The following RCL1 variants were observed in gnomAD, a reference collection of about 807,000 sequenced individuals.
RCL1 encodes RNA terminal phosphate cyclase like 1.
RCL1 carries 24 observed loss-of-function variants against 42.4 expected under a neutral mutation model. The observed-to-expected ratio is 0.57, with a 90% confidence interval of 0.41 to 0.80. The LOEUF is 0.80. Among genes scored for constraint, RCL1 ranks in the 30% least tolerant of loss-of-function variants. The pLI is 0.00. For synonymous variants in RCL1, 228 were observed against 177.3 expected, an observed-to-expected ratio of 1.29 and a Z score of -2.27; for missense variants, 578 against 467.9, an observed-to-expected ratio of 1.24 and a Z score of -2.17.
intron 1 of RCL1, among the ~76,000 whole-genome samples, chr9:4,810,105 G>A (rs1435572522): frequency 6.6e-6 from 1 of 152,220 alleles, no homozygotes. Flanking sequence ...TAAGATTACA[G>A]GCCTGAGCCA....
chr9:4,837,306 C>T (rs114305249), intron 5 of RCL1, among the ~76,000 whole-genome samples: 2,766 of 152,066 alleles, frequency 0.018, 84 homozygotes, highest in African/African-American at 0.064. Flanking sequence ...AAATACACTG[C>T]GGTTAATGGC....
intron 1 of RCL1, among the ~76,000 whole-genome samples, chr9:4,796,119 A>G (rs1842909882): frequency 6.6e-6 from 1 of 152,162 alleles, no homozygotes; most frequent in Non-Finnish European, 1.5e-5. Context: ...TCGGGGGTAC[A>G]TGTGCATGTT....
chr9:4,823,895 A>G (rs1180903423), intron 2 of RCL1, among the ~76,000 whole-genome samples: 3 of 142,476 alleles, frequency 2.1e-5, no homozygotes, highest in African/African-American at 7.8e-5. Flanking sequence ...ATAAAAGCAT[A>G]TCATTCTAGA....
In RCL1 at chr9:4,817,187, T is replaced by G. The variant is rs1310165620; in HGVS notation, c.137-6361T>G. Among the ~76,000 whole-genome samples, 2 of 152,186 alleles carry G rather than the reference T, an allele frequency of 1.3e-5. 1 individual carries two copies. Among genetic ancestry groups the G allele is most frequent in the Admixed American group, 1.3e-4 (2 of 15,276 alleles). On this transcript the variant is annotated intron_variant, in intron 1 of 8. Coordinates refer to ENST00000381750, the MANE Select transcript of RCL1 (RefSeq NM_005772.5). ...TGACTTCATCAGCGACCTTTTCTGT[T>G]TATTATTTGAAAAAAATTCTTCTTG...
chr9:4,844,407 A>G (rs1817438518), intron 6 of RCL1, 118 bp from the exon 7 acceptor site: 5 of 726,766 alleles, frequency 6.9e-6, no homozygotes, highest in Non-Finnish European at 1.1e-5. Flanking sequence ...TGCAGCCAGA[A>G]AGAAGCCTTT....
chr9:4,821,172 C>G (rs951048411), intron 1 of RCL1, among the ~76,000 whole-genome samples: 4 of 151,978 alleles, frequency 2.6e-5, no homozygotes, highest in Non-Finnish European at 5.9e-5. Flanking sequence ...GCCTGTAATC[C>G]CAGCGTTTGT....
intron 8 of RCL1, among the ~76,000 whole-genome samples, chr9:4,854,462 C>T (rs542703626): frequency 6.6e-6 from 1 of 152,342 alleles, no homozygotes; most frequent in Admixed American, 6.5e-5. Context: ...TAGGTACCCC[C>T]AGCTCTGTCC....
At chr9:4,846,059 A>T (rs1461730240) in intron 7 of RCL1, among the ~76,000 whole-genome samples, 3 of 152,226 alleles carry the variant, frequency 2.0e-5, no homozygotes, top group African/African-American at 7.2e-5. Flanking sequence ...GTGGTAGGGT[A>T]AAGCCTGACT....
Position 4,834,187 on chromosome 9 carries a change from T to C in RCL1, c.506T>C (p.Phe169Ser). The change falls in exon 5 of 9, where the codon TTC becomes TCC. Residue 169 changes from phenylalanine (F) to serine (S), a missense_variant. Coordinates refer to ENST00000381750, the MANE Select transcript of RCL1 (RefSeq NM_005772.5). ...CCCGGAGGAGGAGGCGAAGTGGTTTTCTCATGTCCTGTGAGGAAGGTCTTG... is the reference window on the plus strand; with the variant it reads ...CCCGGAGGAGGAGGCGAAGTGGTTTCCTCATGTCCTGTGAGGAAGGTCTTG... The part of the protein sequence containing the change: ...MPPGGGGEVV[F>S]SCPVRKVLKP... 1 of 1,613,810 alleles carries C rather than the reference T, an allele frequency of 6.2e-7. No homozygotes were observed. Among genetic ancestry groups the C allele is most frequent in the Non-Finnish European group, 8.5e-7 (1 of 1,179,800 alleles).
chr9:4,836,345 C>T (rs1426593569), intron 5 of RCL1, among the ~76,000 whole-genome samples: 1 of 152,028 alleles, frequency 6.6e-6, no homozygotes, highest in Admixed American at 6.6e-5. Context: ...GAAGTACATT[C>T]CTCACTGAGG....
intron 8 of RCL1, chr9:4,850,320 G>C (rs752365347): frequency 1.9e-6 from 1 of 534,288 alleles, no homozygotes; most frequent in South Asian, 1.4e-5. Flanking sequence ...GGTTATCATG[G>C]TACCGATGCT....
At chr9:4,852,884 G>T (rs1817799380) in intron 8 of RCL1, among the ~76,000 whole-genome samples, 1 of 151,984 alleles carries the variant, frequency 6.6e-6, no homozygotes, top group Admixed American at 6.5e-5. Flanking sequence ...CTTGCTTTGG[G>T]TGATTTTAGG....
chr9:4,845,035 G>A (rs1036989452), intron 7 of RCL1, among the ~76,000 whole-genome samples: 3 of 152,204 alleles, frequency 2.0e-5, no homozygotes, highest in South Asian at 2.1e-4. Context: ...GGCACCCCCC[G>A]ATTGCTGCCA....
intron 1 of RCL1, chr9:4,804,618 G>A (rs1265526013): frequency 6.5e-6 from 1 of 152,892 alleles, no homozygotes; most frequent in Non-Finnish European, 1.5e-5. Context: ...CACACTCCCG[G>A]CTGTAGAGGA....
Position 4,793,197 on chromosome 9 carries a change from C to G in RCL1, c.106C>G (p.Arg36Gly), listed in dbSNP as rs1842857833. ...SGRPVKIRKI[R>G]ARDDNPGLRD... ...GCGCCCCGTCAAAATCCGAAAGATT[C>G]GGGCCAGAGACGACAACCCGGGCCT... The change falls in exon 1 of 9, where the codon CGG becomes GGG. Residue 36 changes from arginine (R) to glycine (G), a missense_variant. Physicochemically the swap from Arg to Gly is moderately radical, Grantham distance 125 (BLOSUM62 -2). Coordinates refer to ENST00000381750, the MANE Select transcript of RCL1 (RefSeq NM_005772.5). The G allele has an allele frequency of 6.2e-6, 10 of 1,607,726 alleles. No homozygotes were observed. The highest frequency in any genetic ancestry group is 6.8e-6 in the Non-Finnish European group (8 of 1,177,170).
intron 6 of RCL1, among the ~76,000 whole-genome samples, chr9:4,841,901 A>G (rs1446187029): frequency 1.3e-5 from 2 of 152,262 alleles, no homozygotes; most frequent in East Asian, 3.8e-4. Context: ...TTCTTAAAAA[A>G]TGATGCTCTA....
At chr9:4,841,402 A>G in intron 6 of RCL1, 45 bp downstream of exon 6, 1 of 1,507,578 alleles carries the variant, frequency 6.6e-7, no homozygotes. Context: ...GCTTTTTCAC[A>G]TGCCTGTTCT....
chr9:4,807,762 G>A (rs547071949), intron 1 of RCL1, among the ~76,000 whole-genome samples: 22 of 152,194 alleles, frequency 1.4e-4, no homozygotes, highest in African/African-American at 3.4e-4. Context: ...CAGGTGATCC[G>A]CCTGCCTGAG....
chr9:4,849,646 A>G lies in RCL1; in HGVS notation c.971+96A>G, dbSNP rs111719199. On this transcript the variant is annotated intron_variant, in intron 8 of 8. Coordinates refer to ENST00000381750, the MANE Select transcript of RCL1 (RefSeq NM_005772.5). The stretch of plus-strand genomic sequence containing the variant: ...TGTTGTGCTGCACAGAGCCTGCACT[A>G]TGAACACCTGCTTGTGTTTATCCTC... The G allele has an allele frequency of 5.7e-5, 48 of 836,108 alleles. No individual in the cohort carries two copies. In the African/African-American group the frequency reaches 6.6e-4, roughly 11 times the overall value. 51.8% of individuals were successfully genotyped at this position (836,108 alleles called of 1,614,324 possible).
Sources: allele counts gnomAD v4.1 joint callset (sites outside exome capture counted in the v4.1 genomes callset), GRCh38; gene constraint gnomAD v4.1.1; transcripts MANE v1.5; gene names NCBI Gene and HGNC (gene_info 2026-07-23, HGNC 2026-07-21).